SPOCK3: variants seen among roughly 807,000 people sequenced by gnomAD.
The protein encoded by SPOCK3 is SPARC (osteonectin), cwcv and kazal like domains proteoglycan 3, also known as testican-3.
A neutral mutation model predicts 56.6 loss-of-function variants in SPOCK3; 30 were observed. That is an observed-to-expected ratio of 0.53 (90% CI 0.40 to 0.72). The LOEUF (loss-of-function observed/expected upper bound fraction) is 0.72. Among genes scored for constraint, SPOCK3 ranks in the 30% least tolerant of loss-of-function variants. The probability of loss-of-function intolerance (pLI) is 0.00; values close to 1 mark genes in which losing one functional copy is unlikely to be tolerated. For missense variants in SPOCK3, 527 were observed against 530.0 expected (o/e 0.99, Z 0.06); for synonymous variants, 196 against 183.3 (o/e 1.07, Z -0.56).
chr4:167,088,775 G>A (rs1003742299), intron 2 of SPOCK3, among the ~76,000 whole-genome samples: 1 of 151,946 alleles, frequency 6.6e-6, no homozygotes, highest in African/African-American at 2.4e-5. Flanking sequence ...TCATTTTTAA[G>A]GCCAATGCAA....
intron 5 of SPOCK3, among the ~76,000 whole-genome samples, chr4:166,896,299 G>A (rs1222197193): frequency 6.6e-6 from 1 of 152,048 alleles, no homozygotes; most frequent in Non-Finnish European, 1.5e-5. Context: ...AGCAAGATCG[G>A]CTTCAGTGTG....
At chr4:166,972,510 G>C (rs1486140063) in intron 4 of SPOCK3, among the ~76,000 whole-genome samples, 1 of 151,002 alleles carries the variant, frequency 6.6e-6, no homozygotes, top group Non-Finnish European at 1.5e-5. Context: ...TCAGAGGGGA[G>C]AAAAAGAAAC....
At chr4:166,967,040 T>G (rs1744814819) in intron 4 of SPOCK3, among the ~76,000 whole-genome samples, 1 of 152,122 alleles carries the variant, frequency 6.6e-6, no homozygotes, top group Admixed American at 6.6e-5. Flanking sequence ...GCCCTAAACT[T>G]ATGCATCTTC....
intron 2 of SPOCK3, among the ~76,000 whole-genome samples, chr4:167,160,521 C>A (rs542032973): frequency 8.6e-4 from 131 of 152,158 alleles, no homozygotes; most frequent in African/African-American, 3.1e-3. Context: ...TGACTTTCTT[C>A]ACAGAATTGG....
At chr4:166,841,816 A>G (rs552573632) in intron 6 of SPOCK3, among the ~76,000 whole-genome samples, 1 of 152,324 alleles carries the variant, frequency 6.6e-6, no homozygotes, top group South Asian at 2.1e-4. Flanking sequence ...CTATGATGAA[A>G]TATTTCTCCC....
intron 2 of SPOCK3, among the ~76,000 whole-genome samples, chr4:167,102,935 A>G (rs1210178647): frequency 6.6e-6 from 1 of 150,860 alleles, no homozygotes; most frequent in East Asian, 2.0e-4. Flanking sequence ...AAAAAAAAAA[A>G]AAAAAAAAAA....
chr4:167,058,488 A>G (rs188250440), intron 3 of SPOCK3, among the ~76,000 whole-genome samples: 251 of 152,278 alleles, frequency 1.6e-3, no homozygotes, highest in African/African-American at 5.8e-3. Context: ...CCACTGCTCA[A>G]TGAAATAAAA....
chr4:166,804,254 G>A (rs1452624934), intron 6 of SPOCK3, among the ~76,000 whole-genome samples: 1 of 152,146 alleles, frequency 6.6e-6, no homozygotes, highest in Non-Finnish European at 1.5e-5. Flanking sequence ...GTCCTGGAGG[G>A]TACAGTCCAA....
intron 6 of SPOCK3, among the ~76,000 whole-genome samples, chr4:166,852,020 C>G (rs1428404963): frequency 1.3e-5 from 2 of 151,184 alleles, no homozygotes; most frequent in African/African-American, 4.9e-5. Flanking sequence ...AATTGGAAAT[C>G]ATCATTCTCA....
At chr4:166,856,105 A>G (rs1010812420) in intron 6 of SPOCK3, among the ~76,000 whole-genome samples, 2 of 152,088 alleles carry the variant, frequency 1.3e-5, no homozygotes, top group Non-Finnish European at 2.9e-5. Flanking sequence ...TGTGGAGTCT[A>G]AAAAAGCTGA....
chr4:166,825,555 G>T (rs867785503), intron 6 of SPOCK3, among the ~76,000 whole-genome samples: 1 of 151,968 alleles, frequency 6.6e-6, no homozygotes, highest in East Asian at 1.9e-4. Context: ...CATAGGAAAA[G>T]AAATCATTAC....
intron 4 of SPOCK3, among the ~76,000 whole-genome samples, chr4:166,914,546 G>A (rs578252504): frequency 1.4e-4 from 21 of 152,232 alleles, no homozygotes; most frequent in South Asian, 4.1e-4. Context: ...CGAGACAGGC[G>A]GATCACCTGA....
chr4:166,935,243 A>G (rs1263130808), intron 4 of SPOCK3, among the ~76,000 whole-genome samples: 2 of 152,118 alleles, frequency 1.3e-5, no homozygotes, highest in Non-Finnish European at 2.9e-5. Flanking sequence ...TTTCCATCCA[A>G]CAACCATGAG....
At chr4:167,026,043 C>T (rs573639315) in intron 3 of SPOCK3, among the ~76,000 whole-genome samples, 13 of 152,196 alleles carry the variant, frequency 8.5e-5, no homozygotes, top group South Asian at 4.1e-4. Context: ...CACACTGCCA[C>T]GTTACCATGG....
intron 6 of SPOCK3, among the ~76,000 whole-genome samples, chr4:166,833,759 C>T (rs1377944991): frequency 1.3e-5 from 2 of 152,108 alleles, no homozygotes; most frequent in African/African-American, 2.4e-5. Context: ...GCCTGGTGCA[C>T]CTAGAACCTG....
Position 167,163,906 on chromosome 4 carries a change from T to G in SPOCK3, c.189+70079A>C, listed in dbSNP as rs561861050. The stretch of plus-strand genomic sequence containing the variant: ...GGACAAGAGTTATGATGTTTTTATG[T>G]GATATAACTGGTTTTATAGCTTATC... On this transcript the variant is annotated intron_variant, in intron 2 of 10. Coordinates refer to ENST00000357545, the MANE Select transcript of SPOCK3 (RefSeq NM_001040159.2). 8.8e-4 allele frequency among the ~76,000 whole-genome samples: 134 copies of G among 152,224 alleles called. 4 individuals are homozygous for G. The South Asian group carries it at 0.016, about 18-fold the overall frequency.
intron 10 of SPOCK3, among the ~76,000 whole-genome samples, chr4:166,735,777 G>C (rs1734157275): frequency 6.6e-6 from 1 of 152,016 alleles, no homozygotes; most frequent in South Asian, 2.1e-4. Context: ...CCAGAGAGGA[G>C]CACCATCCTG....
At chr4:167,048,970 T>C (rs1753956449) in intron 3 of SPOCK3, among the ~76,000 whole-genome samples, 1 of 152,178 alleles carries the variant, frequency 6.6e-6, no homozygotes, top group Admixed American at 6.5e-5. Flanking sequence ...AGTTCTCCAA[T>C]GAGAAGTGTT....
chr4:167,119,151 G>A (rs188943227), intron 2 of SPOCK3, among the ~76,000 whole-genome samples: 2 of 138,958 alleles, frequency 1.4e-5, no homozygotes, highest in South Asian at 2.5e-4. Flanking sequence ...GGAGGGGGGG[G>A]AACACCATTT....
Sources: allele counts gnomAD v4.1 joint callset (sites outside exome capture counted in the v4.1 genomes callset), GRCh38; gene constraint gnomAD v4.1.1; transcripts MANE v1.5; gene names NCBI Gene and HGNC (gene_info 2026-07-23, HGNC 2026-07-21).